UNC13C: variants seen among roughly 807,000 people sequenced by gnomAD.
UNC13C encodes the protein unc-13 homolog C.
In UNC13C, 174 loss-of-function variants were observed where a neutral mutation model predicts 245.4. The ratio of observed to expected loss-of-function variants is 0.71; its 90% CI spans 0.63 to 0.80. The LOEUF (loss-of-function observed/expected upper bound fraction) is 0.80, where lower values mean the gene tolerates loss of function less well. UNC13C is among the 30% of genes least tolerant of loss of function. The probability of loss-of-function intolerance (pLI) is 0.00; values close to 1 mark genes in which losing one functional copy is unlikely to be tolerated. For synonymous variants in UNC13C, 992 were observed against 895.1 expected (o/e 1.11, Z -1.93); for missense variants, 2,829 against 2,602.9 (o/e 1.09, Z -1.89).
Position 54,016,064 on chromosome 15 carries a change from A to C in UNC13C, c.2983+178A>C, listed in dbSNP as rs560887924. 1.0e-3 allele frequency among the ~76,000 whole-genome samples: 152 copies of C among 152,336 alleles called. 2 individuals are homozygous for C. Among genetic ancestry groups the C allele is most frequent in the Non-Finnish European group, 1.5e-3 (104 of 68,032 alleles). On this transcript the variant is annotated intron_variant, in intron 2 of 32. Transcript: ENST00000260323. ...CAGCTCTCCTAAGAAGTTGGGCTTG[A>C]TGATTTAAAATCAAAGAATATGTTA...
rs1033131465 is a variant in UNC13C at position 54,429,992 on chromosome 15, A to G, written c.4933+14925A>G. ...TTGTAACTAAAACACTTTATTTCCA[A>G]AATAATATGCCAATTTGAGGGTGGG... is the stretch of plus-strand genomic sequence containing the variant. On this transcript the variant is annotated intron_variant, in intron 19 of 32. Coordinates refer to ENST00000260323, the MANE Select transcript of UNC13C (RefSeq NM_001080534.3). Among the ~76,000 whole-genome samples the G allele has an allele frequency of 2.0e-5, 3 of 151,800 alleles. No individual in the cohort carries two copies. In the South Asian group the frequency reaches 6.2e-4, roughly 31 times the overall value.
At chr15:54,032,084 T>C (rs1336774974) in intron 2 of UNC13C, among the ~76,000 whole-genome samples, 2 of 152,210 alleles carry the variant, frequency 1.3e-5, no homozygotes, top group African/African-American at 4.8e-5. Flanking sequence ...AGACTGAGGA[T>C]GATTATAGAA....
chr15:54,094,265 A>C (rs559939578), intron 2 of UNC13C, among the ~76,000 whole-genome samples: 1 of 152,104 alleles, frequency 6.6e-6, no homozygotes, highest in African/African-American at 2.4e-5. Context: ...TCAATTCTAC[A>C]TGGTAGTTTG....
Position 54,329,701 on chromosome 15 carries a change from CA to C in UNC13C, c.4426-2341del, listed in dbSNP as rs141016292. Among the ~76,000 whole-genome samples, 1,198 of 152,186 alleles carry C rather than the reference CA, an allele frequency of 7.9e-3. 10 individuals carry two copies. The highest frequency in any genetic ancestry group is 0.028 in the African/African-American group (1,145 of 41,552). On this transcript the variant is annotated intron_variant, in intron 14 of 32. Transcript: ENST00000260323. Reference sequence around the variant, plus strand: ...ATCTCTATGAAAATTCAATCAGCAGCATACTTTTAATTTCACATCATCTGAT... The same window carrying C: ...ATCTCTATGAAAATTCAATCAGCAGCTACTTTTAATTTCACATCATCTGAT...
rs369631793 is a variant in UNC13C, at chr15:54,549,743, A to C, written c.5877+52A>C. 15 of 1,164,982 alleles carry C rather than the reference A, an allele frequency of 1.3e-5. No individual in the cohort carries two copies. The African/African-American group carries it at 2.0e-4, about 15-fold the overall frequency. 72.2% of individuals were successfully genotyped at this position (1,164,982 alleles called of 1,614,324 possible). A position where few individuals can be genotyped will look rare whatever the true frequency, so the allele number is the denominator to read the frequency against. ...TCATGGAAAGTAGTGAGTTAACTACAGTTCTGCAAGCATCCTCCTCCTAGT... is the reference window on the plus strand; with the variant it reads ...TCATGGAAAGTAGTGAGTTAACTACCGTTCTGCAAGCATCCTCCTCCTAGT... On this transcript the variant is annotated intron_variant, in intron 28 of 32. Transcript: ENST00000260323.
At chr15:54,554,902 A>G (rs979787696) in intron 28 of UNC13C, among the ~76,000 whole-genome samples, 2 of 152,072 alleles carry the variant, frequency 1.3e-5, no homozygotes, top group Non-Finnish European at 2.9e-5. Context: ...ACTTAAAATG[A>G]TTATAAAATA....
chr15:53,965,155 C>G, the UNC13C span, among the ~76,000 whole-genome samples: 4 of 152,252 alleles, frequency 2.6e-5, no homozygotes, highest in Admixed American at 6.5e-5. Context: ...ACGATGTGAA[C>G]TATGTTTTAT....
intron 30 of UNC13C, among the ~76,000 whole-genome samples, chr15:54,588,905 T>A (rs1368177293): frequency 6.6e-6 from 1 of 152,240 alleles, no homozygotes; most frequent in Non-Finnish European, 1.5e-5. Flanking sequence ...TTGGGTTGGT[T>A]CCACAGTTTT....
Position 54,522,387 on chromosome 15 carries a change from A to C in UNC13C, c.5458-3162A>C, listed in dbSNP as rs545066810. Among the ~76,000 whole-genome samples the C allele has an allele frequency of 1.7e-3, 262 of 151,520 alleles. 1 individual carries two copies. Among genetic ancestry groups the C allele is most frequent in the African/African-American group, 6.3e-3 (259 of 41,304 alleles). ...CAGCTACTCTGGAGGGTGAGGCAGG[A>C]GAATTGCTTGAACCCAGGAGGTGGA... On this transcript the variant is annotated intron_variant, in intron 24 of 32. Coordinates refer to ENST00000260323, the MANE Select transcript of UNC13C (RefSeq NM_001080534.3).
intron 23 of UNC13C, among the ~76,000 whole-genome samples, chr15:54,508,327 C>T (rs769698836): frequency 4.6e-5 from 7 of 151,938 alleles, no homozygotes; most frequent in Non-Finnish European, 8.8e-5. Context: ...CCATGAGCTC[C>T]TAAGGCTAAT....
At chr15:54,158,017 A>G (rs2032823923) in intron 4 of UNC13C, among the ~76,000 whole-genome samples, 1 of 152,230 alleles carries the variant, frequency 6.6e-6, no homozygotes, top group Non-Finnish European at 1.5e-5. Context: ...CTTGGCATAT[A>G]TCTTTAGCCA....
chr15:54,113,815 G>A lies in UNC13C; in HGVS notation c.2984-29203G>A, dbSNP rs369509425. ...CACTCCAGCCTGGGCAACAGAGTGA[G>A]ACTCTCCCTCAAAAAAATAAAGAAA... On this transcript the variant is annotated intron_variant, in intron 2 of 32. Coordinates refer to ENST00000260323, the MANE Select transcript of UNC13C (RefSeq NM_001080534.3). 4.6e-5 allele frequency among the ~76,000 whole-genome samples: 7 copies of A among 152,206 alleles called. No homozygotes were observed. In the South Asian group the frequency reaches 1.5e-3, roughly 32 times the overall value.
Position 54,300,224 on chromosome 15 carries a change from C to T in UNC13C, c.4119C>T (p.Tyr1373=), listed in dbSNP as rs746820845. 3.7e-6 allele frequency: 6 copies of T among 1,600,014 alleles called. No individual in the cohort carries two copies. Among genetic ancestry groups the T allele is most frequent in the Admixed American group, 1.7e-5 (1 of 57,932 alleles). ...YTCLHENLFH[Y]LTEVKSNGGV... is the part of the protein sequence containing the mutation. ...CTTGCTTTTAGAATCTGTTCCATTACTTGACTGAAGTGAAATCTAATGGTG... is the reference window on the plus strand; with the variant it reads ...CTTGCTTTTAGAATCTGTTCCATTATTTGACTGAAGTGAAATCTAATGGTG... Residue 1373 remains tyrosine, a synonymous_variant, in exon 13 of 33, where the codon TAC becomes TAT. Coordinates refer to ENST00000260323, the MANE Select transcript of UNC13C (RefSeq NM_001080534.3).
At chr15:54,602,124 G>A (rs1488216458) in intron 30 of UNC13C, among the ~76,000 whole-genome samples, 2 of 152,204 alleles carry the variant, frequency 1.3e-5, no homozygotes, top group African/African-American at 2.4e-5. Flanking sequence ...GAAAAGGAAT[G>A]AGCTCCTGAA....
chr15:54,490,657 AC>A (rs1367660095), intron 19 of UNC13C, among the ~76,000 whole-genome samples: 28 of 151,028 alleles, frequency 1.9e-4, no homozygotes, highest in Admixed American at 7.3e-4. Context: ...GGATTGGGAA[AC>A]TTTTTTTTTT....
At chr15:53,955,416 A>G in the UNC13C span, among the ~76,000 whole-genome samples, 1 of 152,156 alleles carries the variant, frequency 6.6e-6, no homozygotes, top group African/African-American at 2.4e-5. Context: ...AAAAGACATG[A>G]TTTTTCAGCT....
chr15:54,146,008 G>A (rs149402570), intron 4 of UNC13C, among the ~76,000 whole-genome samples: 43 of 152,218 alleles, frequency 2.8e-4, no homozygotes, highest in African/African-American at 9.9e-4. Context: ...TGATATATGG[G>A]AAGGGGGTGA....
chr15:54,113,936 G>T lies in UNC13C; in HGVS notation c.2984-29082G>T, dbSNP rs1016994289. Reference sequence around the variant, plus strand: ...TTTGCTGGAAGTGGCTCCTATAAAGGTTATCTTTAGCTTGTCTATTACAAC... The same window carrying T: ...TTTGCTGGAAGTGGCTCCTATAAAGTTTATCTTTAGCTTGTCTATTACAAC... On this transcript the variant is annotated intron_variant, in intron 2 of 32. Transcript: ENST00000260323. Among the ~76,000 whole-genome samples, 3 of 152,014 alleles carry T rather than the reference G, an allele frequency of 2.0e-5. No homozygotes were observed. The East Asian group carries it at 5.8e-4, about 29-fold the overall frequency.
intron 10 of UNC13C, among the ~76,000 whole-genome samples, chr15:54,269,947 C>A (rs925766633): frequency 6.6e-6 from 1 of 152,172 alleles, no homozygotes; most frequent in Non-Finnish European, 1.5e-5. Context: ...ATATTTTCCA[C>A]TTTACTGATA....
Sources: allele counts gnomAD v4.1 joint callset (sites outside exome capture counted in the v4.1 genomes callset), GRCh38; gene constraint gnomAD v4.1.1; transcripts MANE v1.5; gene names NCBI Gene and HGNC (gene_info 2026-07-23, HGNC 2026-07-21).